Variants in DAP3 observed in about 807,000 individuals in gnomAD.
DAP3 encodes the protein small ribosomal subunit protein mS29.
DAP3 carries 28 observed loss-of-function variants against 51.9 expected under a neutral mutation model. That is an observed-to-expected ratio of 0.54 (90% CI 0.40 to 0.74). The LOEUF is 0.74. DAP3 is among the 30% of genes least tolerant of loss of function. The pLI, the probability that DAP3 is intolerant of heterozygous loss-of-function variation, is 0.00. For missense variants in DAP3, 458 were observed against 483.5 expected, an observed-to-expected ratio of 0.95 and a Z score of 0.49; for synonymous variants, 170 against 170.3, an observed-to-expected ratio of 1.00 and a Z score of 0.01.
chr1:155,701,764 G>A (rs1403859782), intron 1 of DAP3, among the ~76,000 whole-genome samples: 1 of 151,228 alleles, frequency 6.6e-6, no homozygotes, highest in African/African-American at 2.4e-5. Context: ...TCCCCTGCCA[G>A]GCTGTTTGAT....
chr1:155,710,799 C>A (rs1314808547), intron 2 of DAP3, among the ~76,000 whole-genome samples: 1 of 152,122 alleles, frequency 6.6e-6, no homozygotes, highest in African/African-American at 2.4e-5. Context: ...GACTTCAAAG[C>A]CTGTGGCCTA....
At chr1:155,698,719 C>T (rs1654816397) in intron 1 of DAP3, among the ~76,000 whole-genome samples, 1 of 152,186 alleles carries the variant, frequency 6.6e-6, no homozygotes, top group Admixed American at 6.5e-5. Flanking sequence ...TGTTCCACAG[C>T]ATAAAACAAA....
chr1:155,727,759 T>G (rs754440274), intron 7 of DAP3, 21 bp downstream of exon 7: 3 of 1,612,762 alleles, frequency 1.9e-6, no homozygotes, highest in African/African-American at 2.7e-5. Flanking sequence ...TCCCAGAAGT[T>G]GAGTGCTAGG....
At chr1:155,736,785 C>T (rs1010582735) in intron 11 of DAP3, 161 bp from the exon 12 acceptor site, 2 of 672,428 alleles carry the variant, frequency 3.0e-6, no homozygotes, top group African/African-American at 1.8e-5. Flanking sequence ...ATGTGGAGTC[C>T]ATATGTGGAG....
intron 1 of DAP3, among the ~76,000 whole-genome samples, chr1:155,704,828 A>C (rs545764119): frequency 6.6e-6 from 1 of 152,156 alleles, no homozygotes; most frequent in African/African-American, 2.4e-5. Flanking sequence ...AAAAATACAA[A>C]AATAAGCTGG....
upstream of DAP3, chr1:155,688,504 G>C: frequency 6.5e-7 from 1 of 1,547,934 alleles, no homozygotes; most frequent in Non-Finnish European, 8.7e-7. Flanking sequence ...GAGTGTCTAC[G>C]GGCTCGTCGC....
chr1:155,717,046 G>T lies in DAP3; in HGVS notation c.86G>T (p.Arg29Leu). 1 of 1,613,820 alleles carries T rather than the reference G, an allele frequency of 6.2e-7. No individual in the cohort carries two copies. Among genetic ancestry groups the T allele is most frequent in the Non-Finnish European group, 8.5e-7 (1 of 1,179,992 alleles). Residue 29 changes from arginine (R) to leucine (L), a missense_variant, in exon 3 of 13, where the codon CGC becomes CTC. Transcript: ENST00000368336. ...GRFLHMGTQA[R>L]QSIAAHLDNQ... ...TTTTTACACATGGGGACCCAGGCTCGCCAAAGCATTGCTGCTCACCTAGAT... is the reference window on the plus strand; with the variant it reads ...TTTTTACACATGGGGACCCAGGCTCTCCAAAGCATTGCTGCTCACCTAGAT...
chr1:155,732,800 G>A (rs1423033028), intron 11 of DAP3, among the ~76,000 whole-genome samples: 1 of 151,952 alleles, frequency 6.6e-6, no homozygotes, highest in African/African-American at 2.4e-5. Flanking sequence ...CGAGGCAGGC[G>A]GATCATGAGG....
chr1:155,692,952 G>T (rs538985752), intron 1 of DAP3, among the ~76,000 whole-genome samples: 1 of 141,940 alleles, frequency 7.0e-6, no homozygotes, highest in Non-Finnish European at 1.5e-5. Flanking sequence ...GAACAGAGGA[G>T]TGTAAAGCAA....
chr1:155,713,252 A>G (rs1300909289), intron 2 of DAP3, among the ~76,000 whole-genome samples: 1 of 152,200 alleles, frequency 6.6e-6, no homozygotes, highest in African/African-American at 2.4e-5. Context: ...AAGGAATCAC[A>G]TGACCCCTCC....
chr1:155,735,299 G>A (rs1329747824), intron 11 of DAP3, among the ~76,000 whole-genome samples: 1 of 151,358 alleles, frequency 6.6e-6, no homozygotes, highest in Non-Finnish European at 1.5e-5. Flanking sequence ...CCTTGGGCCG[G>A]GCGCAGTGGC....
intron 2 of DAP3, among the ~76,000 whole-genome samples, chr1:155,712,309 C>A (rs1253463143): frequency 6.6e-6 from 1 of 152,128 alleles, no homozygotes; most frequent in Admixed American, 6.6e-5. Context: ...ACTTTAAGAA[C>A]TAAAGATTCC....
intron 2 of DAP3, among the ~76,000 whole-genome samples, chr1:155,714,036 G>T (rs1315634499): frequency 2.6e-5 from 4 of 152,140 alleles, no homozygotes; most frequent in Non-Finnish European, 5.9e-5. Context: ...TTGATGAATG[G>T]GAAAGATTTA....
intron 9 of DAP3, 61 bp from the exon 10 acceptor site, chr1:155,731,295 T>G: frequency 1.3e-6 from 2 of 1,533,132 alleles, no homozygotes; most frequent in Non-Finnish European, 1.8e-6. Flanking sequence ...GTCAATTGTT[T>G]CGGGAGAACA....
At chr1:155,724,848 G>A (rs555213711) in intron 4 of DAP3, among the ~76,000 whole-genome samples, 1 of 151,700 alleles carries the variant, frequency 6.6e-6, no homozygotes, top group Non-Finnish European at 1.5e-5. Flanking sequence ...CCAGCTACTC[G>A]GGAGGCTGAG....
At chr1:155,688,541 C>T, upstream of DAP3, 1 of 1,542,094 alleles carries the variant, frequency 6.5e-7, no homozygotes, top group Non-Finnish European at 8.7e-7. Flanking sequence ...CCACCACCTT[C>T]GGCCGTCCTG....
Position 155,731,398 on chromosome 1 carries a change from A to T in DAP3, c.886A>T (p.Met296Leu), listed in dbSNP as rs1659233456. 6.2e-7 allele frequency: 1 copy of T among 1,614,044 alleles called. No homozygotes were observed. The change falls in exon 10 of 13, where the codon ATG becomes TTG. Residue 296 changes from methionine to leucine, a missense_variant. Physicochemically the swap from Met to Leu is conservative, Grantham distance 15. Transcript: ENST00000368336. ...AGCACTTGTTCACAACTTGAGGAAA[A>T]TGATGAAAAATGATTGGGTAAGTGC... ...ELALVHNLRK[M>L]MKNDWHGGAI...
At chr1:155,735,910 C>T (rs151276547) in intron 11 of DAP3, among the ~76,000 whole-genome samples, 1 of 145,686 alleles carries the variant, frequency 6.9e-6, no homozygotes, top group East Asian at 2.0e-4. Flanking sequence ...GGCTTAATCT[C>T]GGCTCACTGC....
intron 3 of DAP3, among the ~76,000 whole-genome samples, chr1:155,720,311 C>A (rs1571519176): frequency 1.0e-5 from 1 of 96,570 alleles, no homozygotes; most frequent in Admixed American, 1.7e-4. Context: ...GTAAACCGAG[C>A]AAGATCTTGT....
Sources: allele counts gnomAD v4.1 joint callset (sites outside exome capture counted in the v4.1 genomes callset), GRCh38; gene constraint gnomAD v4.1.1; transcripts MANE v1.5; gene names NCBI Gene and HGNC (gene_info 2026-07-23, HGNC 2026-07-21).